Variants in HCN1 observed in about 807,000 individuals in gnomAD.
HCN1 encodes hyperpolarization activated cyclic nucleotide gated potassium channel 1.
A neutral mutation model predicts 78.9 loss-of-function variants in HCN1; 13 were observed. The observed-to-expected ratio is 0.16, with a 90% CI of 0.11 to 0.26. The LOEUF is 0.26. Ranked by LOEUF, HCN1 falls within the 10% of genes least tolerant of loss-of-function variation. The pLI, the probability that HCN1 is intolerant of heterozygous loss-of-function variation, is 1.00. For missense variants in HCN1, 810 were observed against 1,154.3 expected, an observed-to-expected ratio of 0.70 and a Z score of 4.32; for synonymous variants, 552 against 455.5, an observed-to-expected ratio of 1.21 and a Z score of -2.70.
At chr5:45,484,295 C>T (rs1197014569) in intron 2 of HCN1, among the ~76,000 whole-genome samples, 3 of 151,948 alleles carry the variant, frequency 2.0e-5, no homozygotes, top group Non-Finnish European at 2.9e-5. Context: ...ATTAGCCAGG[C>T]GTGGTGATAG....
intron 3 of HCN1, among the ~76,000 whole-genome samples, chr5:45,456,852 G>A (rs1741038151): frequency 1.3e-5 from 2 of 151,910 alleles, no homozygotes; most frequent in South Asian, 4.1e-4. Flanking sequence ...AACGTGTACA[G>A]GATTTAATAT....
rs866800162 is a variant in HCN1 at position 45,402,014 on chromosome 5, G to A, written c.1012-5304C>T. Among the ~76,000 whole-genome samples the A allele has an allele frequency of 7.9e-5, 12 of 152,088 alleles. No individual in the cohort carries two copies. The East Asian group carries it at 2.1e-3, about 27-fold the overall frequency. On this transcript the variant is annotated intron_variant, in intron 3 of 7. Transcript: ENST00000303230. ...TCATGCAGGTAAAAATCTAAAACAC[G>A]AAGTTTGATGGGGAGTAGGAGTATT...
intron 2 of HCN1, among the ~76,000 whole-genome samples, chr5:45,556,309 A>G (rs1046159160): frequency 2.0e-5 from 3 of 151,974 alleles, no homozygotes; most frequent in African/African-American, 4.8e-5. Context: ...TCACCTGTTT[A>G]TTAATACATT....
At chr5:45,532,793 A>G (rs1013090638) in intron 2 of HCN1, among the ~76,000 whole-genome samples, 11 of 152,326 alleles carry the variant, frequency 7.2e-5, no homozygotes, top group African/African-American at 2.4e-4. Flanking sequence ...AGTTTTTTAT[A>G]GAAAGGATAT....
Position 45,257,453 on chromosome 5 carries a change from T to C in HCN1, c.*4468A>G, listed in dbSNP as rs1186451147. Reference sequence around the variant, plus strand: ...CTCATTCTCTCCACATCAAGGACCTTGTAAACAAATTCAGAGCATTATCTG... The same window carrying C: ...CTCATTCTCTCCACATCAAGGACCTCGTAAACAAATTCAGAGCATTATCTG... On this transcript the variant is annotated 3_prime_UTR_variant, in exon 8 of 8. Coordinates refer to ENST00000303230, the MANE Select transcript of HCN1 (RefSeq NM_021072.4). The C allele has an allele frequency of 1.3e-5, 2 of 152,210 alleles. No individual in the cohort carries two copies. The highest frequency in any genetic ancestry group is 3.9e-4 in the East Asian group (2 of 5,190). 9.4% of individuals were successfully genotyped at this position (152,210 alleles called of 1,614,324 possible). A position where few individuals can be genotyped will look rare whatever the true frequency, so the allele number is the denominator to read the frequency against.
At chr5:45,543,900 C>T (rs1408080826) in intron 2 of HCN1, among the ~76,000 whole-genome samples, 2 of 151,632 alleles carry the variant, frequency 1.3e-5, no homozygotes, top group Admixed American at 6.6e-5. Context: ...TTTTATTTCA[C>T]GAATATGATC....
chr5:45,571,943 G>A (rs1363016382), intron 2 of HCN1, among the ~76,000 whole-genome samples: 1 of 152,050 alleles, frequency 6.6e-6, no homozygotes, highest in African/African-American at 2.4e-5. Flanking sequence ...TATTTTAAAA[G>A]TCACTATGAG....
At chr5:45,681,985 G>T (rs1561243411) in intron 1 of HCN1, among the ~76,000 whole-genome samples, 2 of 151,938 alleles carry the variant, frequency 1.3e-5, no homozygotes, top group African/African-American at 4.8e-5. Context: ...GGGGCCTTTG[G>T]GAGGTGATTA....
chr5:45,483,771 A>G (rs1741705114), intron 2 of HCN1, among the ~76,000 whole-genome samples: 1 of 152,078 alleles, frequency 6.6e-6, no homozygotes, highest in Non-Finnish European at 1.5e-5. Flanking sequence ...TTAAATCTTT[A>G]ATCCATTTTG....
chr5:45,479,020 C>T (rs536819323), intron 2 of HCN1, among the ~76,000 whole-genome samples: 1 of 151,732 alleles, frequency 6.6e-6, no homozygotes, highest in South Asian at 2.1e-4. Context: ...ACACAGGAGG[C>T]TGAGACTGGA....
At position 45,262,134 on chromosome 5, in the gene HCN1, C is replaced by G; in HGVS notation, c.2460G>C (p.Thr820=). 2.5e-6 allele frequency: 4 copies of G among 1,613,176 alleles called. No homozygotes were observed. The highest frequency in any genetic ancestry group is 3.4e-6 in the Non-Finnish European group (4 of 1,179,460). Residue 820 remains threonine (T), a synonymous_variant, in exon 8 of 8, where the codon ACG becomes ACC. Coordinates refer to ENST00000303230, the MANE Select transcript of HCN1 (RefSeq NM_021072.4). Reference sequence around the variant, plus strand: ...CCTGAAGGCCCGTTCCGGGGACCGCCGTCACGGGTTGAGGGATGGAGGCCA... The same window carrying G: ...CCTGAAGGCCCGTTCCGGGGACCGCGGTCACGGGTTGAGGGATGGAGGCCA... ...ESLASIPQPV[T]AVPGTGLQAG...
At chr5:45,273,122 G>GAACATA in intron 6 of HCN1, among the ~76,000 whole-genome samples, 2 of 151,940 alleles carry the variant, frequency 1.3e-5, no homozygotes, top group Non-Finnish European at 2.9e-5. Context: ...AAAGTAATGG[G>GAACATA]GACTTAGCGT....
intron 2 of HCN1, among the ~76,000 whole-genome samples, chr5:45,551,608 C>T (rs1743372065): frequency 6.6e-6 from 1 of 151,808 alleles, no homozygotes; most frequent in South Asian, 2.1e-4. Context: ...ATTGTTTATT[C>T]AGATTATAAT....
At chr5:45,306,241 T>C (rs773105080) in intron 5 of HCN1, among the ~76,000 whole-genome samples, 1 of 152,102 alleles carries the variant, frequency 6.6e-6, no homozygotes, top group African/African-American at 2.4e-5. Context: ...AATCCCTTCA[T>C]CTTTGTACCT....
intron 5 of HCN1, among the ~76,000 whole-genome samples, chr5:45,319,904 G>C (rs1009110138): frequency 1.3e-5 from 2 of 151,744 alleles, no homozygotes; most frequent in Non-Finnish European, 2.9e-5. Flanking sequence ...ACTTTATATT[G>C]ATAACTTAAA....
chr5:45,526,579 G>GATA (rs1416659353), intron 2 of HCN1, among the ~76,000 whole-genome samples: 1 of 152,058 alleles, frequency 6.6e-6, no homozygotes, highest in Non-Finnish European at 1.5e-5. Flanking sequence ...GTGTTCTGAG[G>GATA]ATAACTACTT....
chr5:45,599,053 C>G (rs539461862), intron 2 of HCN1, among the ~76,000 whole-genome samples: 1 of 152,246 alleles, frequency 6.6e-6, no homozygotes, highest in East Asian at 1.9e-4. Flanking sequence ...ACCCGGTGAT[C>G]CCTTTATTGG....
intron 6 of HCN1, among the ~76,000 whole-genome samples, chr5:45,272,087 A>G (rs1561083160): frequency 6.6e-6 from 1 of 152,154 alleles, no homozygotes; most frequent in African/African-American, 2.4e-5. Context: ...CAACGAAAAA[A>G]GAGTAAACTT....
At chr5:45,314,559 C>T (rs1363236997) in intron 5 of HCN1, among the ~76,000 whole-genome samples, 1 of 152,138 alleles carries the variant, frequency 6.6e-6, no homozygotes, top group African/African-American at 2.4e-5. Context: ...TTAAAAGACA[C>T]AGACTGGCAA....
Sources: allele counts gnomAD v4.1 joint callset (sites outside exome capture counted in the v4.1 genomes callset), GRCh38; gene constraint gnomAD v4.1.1; transcripts MANE v1.5; gene names NCBI Gene and HGNC (gene_info 2026-07-23, HGNC 2026-07-21).